The following SNTG1 variants were observed in gnomAD, a reference collection of about 807,000 sequenced individuals.
SNTG1 encodes the protein gamma-1-syntrophin.
In SNTG1, 39 loss-of-function variants were observed where a neutral mutation model predicts 74.7. The observed-to-expected ratio is 0.52, with a 90% CI of 0.40 to 0.68. The LOEUF is 0.68. Among genes scored for constraint, SNTG1 ranks in the 30% least tolerant of loss-of-function variants. The pLI is 0.00. For synonymous variants in SNTG1, 254 were observed against 217.1 expected, an observed-to-expected ratio of 1.17 and a Z score of -1.49; for missense variants, 685 against 609.5, an observed-to-expected ratio of 1.12 and a Z score of -1.30.
At chr8:50,119,404 T>C (rs2080925136) in intron 1 of SNTG1, among the ~76,000 whole-genome samples, 1 of 140,712 alleles carries the variant, frequency 7.1e-6, no homozygotes, top group Non-Finnish European at 1.6e-5. Flanking sequence ...CTGAGGCTTG[T>C]TCCCAGGATT....
At chr8:50,162,289 G>A (rs954842376) in intron 1 of SNTG1, among the ~76,000 whole-genome samples, 2 of 152,152 alleles carry the variant, frequency 1.3e-5, no homozygotes, top group South Asian at 2.1e-4. Context: ...CCGGCCGTGC[G>A]CGGTGGCTCA....
At chr8:50,259,519 AGAAAGAAAG>A (rs2087064982) in intron 2 of SNTG1, among the ~76,000 whole-genome samples, 7 of 14,118 alleles carry the variant, frequency 5.0e-4, no homozygotes, top group East Asian at 6.3e-3. Context: ...AAAGAAAGAA[AGAAAGAAAG>A]AAAGAAAGAA....
intron 1 of SNTG1, among the ~76,000 whole-genome samples, chr8:50,140,358 T>A (rs982543531): frequency 1.3e-5 from 2 of 152,178 alleles, no homozygotes; most frequent in African/African-American, 4.8e-5. Flanking sequence ...AGGTGATGCT[T>A]CCTTTCTCAG....
chr8:50,484,871 G>GA (rs1322902198), intron 8 of SNTG1, among the ~76,000 whole-genome samples: 2 of 150,422 alleles, frequency 1.3e-5, no homozygotes, highest in Non-Finnish European at 1.5e-5. Context: ...AAAAAAAAAA[G>GA]AAAAAAGAAA....
intron 3 of SNTG1, among the ~76,000 whole-genome samples, chr8:50,400,479 G>A (rs1476710397): frequency 6.6e-6 from 1 of 152,098 alleles, no homozygotes; most frequent in Non-Finnish European, 1.5e-5. Flanking sequence ...ACATGGGAGT[G>A]CAGATGTCCC....
rs192107078 is a variant in SNTG1, at chr8:50,498,202, T to C, written c.364-4576T>C. 6.2e-3 allele frequency among the ~76,000 whole-genome samples: 937 copies of C among 152,040 alleles called. 15 individuals carry two copies. The highest frequency in any genetic ancestry group is 0.02 in the Middle Eastern group (6 of 294). ...ATTGCTAAATTATTTTCCAAAATCA[T>C]TGTGACATTTTCAGTTTTAATTCTT... On this transcript the variant is annotated intron_variant, in intron 8 of 18. Transcript: ENST00000642720.
At chr8:50,666,956 C>A (rs12676534) in intron 15 of SNTG1, among the ~76,000 whole-genome samples, 6,714 of 151,922 alleles carry the variant, frequency 0.044, 399 homozygotes, top group African/African-American at 0.12. Context: ...AAAGCTAAAT[C>A]TAATATTATT....
intron 13 of SNTG1, among the ~76,000 whole-genome samples, chr8:50,601,547 T>C (rs2094775531): frequency 6.6e-6 from 1 of 152,216 alleles, no homozygotes; most frequent in South Asian, 2.1e-4. Context: ...TGACATATGG[T>C]ATCTCCTTTA....
At chr8:50,441,565 G>T (rs991547461) in intron 5 of SNTG1, among the ~76,000 whole-genome samples, 2 of 152,154 alleles carry the variant, frequency 1.3e-5, no homozygotes, top group African/African-American at 4.8e-5. Context: ...TAGTAGAAAT[G>T]AAAGGAATAT....
chr8:50,033,457 T>A (rs956199966), intron 1 of SNTG1, among the ~76,000 whole-genome samples: 2 of 152,148 alleles, frequency 1.3e-5, no homozygotes, highest in Admixed American at 6.5e-5. Flanking sequence ...AATTGATATA[T>A]ACCTAATGTC....
intron 18 of SNTG1, among the ~76,000 whole-genome samples, chr8:50,777,675 C>T (rs1044514314): frequency 1.0e-4 from 15 of 149,774 alleles, no homozygotes; most frequent in South Asian, 4.2e-4. Flanking sequence ...TTCTTTTTTT[C>T]TCTCTCTCTC....
At chr8:50,185,173 T>A (rs1039528015) in intron 2 of SNTG1, among the ~76,000 whole-genome samples, 1 of 152,186 alleles carries the variant, frequency 6.6e-6, no homozygotes, top group Non-Finnish European at 1.5e-5. Flanking sequence ...CAGGTGAAGA[T>A]AATTGAATCA....
At chr8:50,456,345 T>C (rs1284777871) in intron 8 of SNTG1, among the ~76,000 whole-genome samples, 2 of 152,074 alleles carry the variant, frequency 1.3e-5, no homozygotes, top group South Asian at 2.1e-4. Flanking sequence ...CCCTCAGCTG[T>C]AACAAAATAC....
At chr8:50,382,489 A>T (rs909464873) in intron 2 of SNTG1, among the ~76,000 whole-genome samples, 2 of 152,286 alleles carry the variant, frequency 1.3e-5, no homozygotes, top group African/African-American at 4.8e-5. Context: ...TTTTGGAAAA[A>T]TATGGACTGT....
intron 11 of SNTG1, among the ~76,000 whole-genome samples, chr8:50,537,026 G>A (rs2094313224): frequency 6.6e-6 from 1 of 152,124 alleles, no homozygotes; most frequent in Non-Finnish European, 1.5e-5. Context: ...TTATTGTAAT[G>A]GATTCAATAG....
chr8:50,285,586 C>A (rs2088723978), intron 2 of SNTG1, among the ~76,000 whole-genome samples: 6 of 152,020 alleles, frequency 3.9e-5, no homozygotes, highest in Admixed American at 3.9e-4. Flanking sequence ...ATGCACCAAC[C>A]TCTCTCATCT....
intron 8 of SNTG1, among the ~76,000 whole-genome samples, chr8:50,489,083 C>T (rs752030324): frequency 5.3e-5 from 8 of 152,142 alleles, no homozygotes; most frequent in Non-Finnish European, 1.2e-4. Flanking sequence ...CAGCTTCATC[C>T]ATGTCCCCAC....
intron 1 of SNTG1, among the ~76,000 whole-genome samples, chr8:49,933,943 A>G (rs1457749499): frequency 6.6e-6 from 1 of 152,232 alleles, no homozygotes; most frequent in Non-Finnish European, 1.5e-5. Flanking sequence ...GGGAAAAGGC[A>G]TAAATGTGAA....
intron 2 of SNTG1, among the ~76,000 whole-genome samples, chr8:50,305,529 T>C (rs1299416022): frequency 1.6e-4 from 10 of 62,012 alleles, no homozygotes; most frequent in Middle Eastern, 0.01. Flanking sequence ...TGCTTATGTG[T>C]GTGTGTGTGT....
Sources: allele counts gnomAD v4.1 joint callset (sites outside exome capture counted in the v4.1 genomes callset), GRCh38; gene constraint gnomAD v4.1.1; transcripts MANE v1.5; gene names NCBI Gene and HGNC (gene_info 2026-07-23, HGNC 2026-07-21).